Variants in CDH13 observed in about 807,000 individuals in gnomAD.
CDH13 encodes cadherin-13.
CDH13 carries 24 observed loss-of-function variants against 63.8 expected under a neutral mutation model. That is an observed-to-expected ratio of 0.38 (90% CI 0.27 to 0.53). The LOEUF is 0.53. Among genes scored for constraint, CDH13 ranks in the 20% least tolerant of loss-of-function variants. CDH13 has a pLI of 0.85. For missense variants in CDH13, 1,049 were observed against 903.1 expected, an observed-to-expected ratio of 1.16 and a Z score of -2.07; for synonymous variants, 503 against 355.3, an observed-to-expected ratio of 1.42 and a Z score of -4.67.
chr16:82,632,183 T>A (rs569989608), intron 1 of CDH13, among the ~76,000 whole-genome samples: 3 of 152,290 alleles, frequency 2.0e-5, no homozygotes, highest in South Asian at 4.2e-4. Context: ...TCGTCACCAC[T>A]CTCTACTACC....
intron 1 of CDH13, among the ~76,000 whole-genome samples, chr16:82,643,150 C>G (rs1909627002): frequency 6.6e-6 from 1 of 152,176 alleles, no homozygotes; most frequent in Admixed American, 6.5e-5. Flanking sequence ...CATTAGCTCT[C>G]TGTAAATAAA....
chr16:82,878,363 A>G (rs2040577607), intron 2 of CDH13, among the ~76,000 whole-genome samples: 1 of 151,618 alleles, frequency 6.6e-6, no homozygotes, highest in South Asian at 2.1e-4. Flanking sequence ...TGAATCTTTC[A>G]CTCTCTTTGC....
chr16:83,413,101 C>A (rs796942926), intron 6 of CDH13, among the ~76,000 whole-genome samples: 1 of 152,128 alleles, frequency 6.6e-6, no homozygotes, highest in Admixed American at 6.5e-5. Flanking sequence ...AGTGGTAATG[C>A]CATTTCACAG....
chr16:83,056,121 A>G (rs2030902997), intron 3 of CDH13, among the ~76,000 whole-genome samples: 1 of 152,246 alleles, frequency 6.6e-6, no homozygotes, highest in Non-Finnish European at 1.5e-5. Context: ...ATCACTAGTC[A>G]TCAAGGAAAT....
intron 5 of CDH13, among the ~76,000 whole-genome samples, chr16:83,283,862 T>A (rs1057149212): frequency 6.6e-6 from 1 of 152,146 alleles, no homozygotes; most frequent in African/African-American, 2.4e-5. Context: ...ATATCCAGAG[T>A]TGTAAGCTCC....
chr16:83,075,507 T>G (rs1331553322), intron 3 of CDH13, among the ~76,000 whole-genome samples: 1 of 152,188 alleles, frequency 6.6e-6, no homozygotes, highest in Non-Finnish European at 1.5e-5. Flanking sequence ...TTGTTGTGGA[T>G]GCAAAGGGAA....
intron 1 of CDH13, among the ~76,000 whole-genome samples, chr16:82,802,198 G>T (rs1224349210): frequency 6.6e-6 from 1 of 152,168 alleles, no homozygotes; most frequent in Non-Finnish European, 1.5e-5. Flanking sequence ...GCATGCTCCA[G>T]TGGCCGCAGA....
intron 11 of CDH13, among the ~76,000 whole-genome samples, chr16:83,773,145 A>C (rs1430070766): frequency 2.6e-5 from 4 of 152,174 alleles, no homozygotes; most frequent in Admixed American, 1.3e-4. Context: ...TTACATTTCA[A>C]AGAGATGTCA....
chr16:82,862,733 C>A (rs935928006), intron 2 of CDH13, among the ~76,000 whole-genome samples: 1 of 152,180 alleles, frequency 6.6e-6, no homozygotes, highest in Non-Finnish European at 1.5e-5. Flanking sequence ...CTAGGCTAGG[C>A]CATGGTGTCA....
chr16:83,407,351 A>C (rs2092063267), intron 6 of CDH13, among the ~76,000 whole-genome samples: 2 of 152,224 alleles, frequency 1.3e-5, no homozygotes, highest in Admixed American at 1.3e-4. Context: ...TATGTTTATT[A>C]GGCTCCTGCT....
At chr16:82,938,512 T>C (rs1328748670) in intron 2 of CDH13, among the ~76,000 whole-genome samples, 5 of 152,172 alleles carry the variant, frequency 3.3e-5, no homozygotes, top group African/African-American at 1.2e-4. Flanking sequence ...TAGAAACATG[T>C]CTCAGCATGG....
intron 6 of CDH13, among the ~76,000 whole-genome samples, chr16:83,441,017 C>A (rs1471744608): frequency 6.6e-6 from 1 of 152,158 alleles, no homozygotes; most frequent in Non-Finnish European, 1.5e-5. Flanking sequence ...AACCAACTTT[C>A]TAATATATTT....
At chr16:83,229,668 T>C (rs2039948190) in intron 5 of CDH13, among the ~76,000 whole-genome samples, 1 of 152,186 alleles carries the variant, frequency 6.6e-6, no homozygotes, top group Admixed American at 6.5e-5. Context: ...AAGAGATCAT[T>C]TCCGTATTTT....
At chr16:82,671,359 T>C (rs1444560970) in intron 1 of CDH13, among the ~76,000 whole-genome samples, 1 of 152,206 alleles carries the variant, frequency 6.6e-6, no homozygotes, top group Non-Finnish European at 1.5e-5. Flanking sequence ...GAGGTGGCAG[T>C]GCAGTACCTT....
At position 83,625,482 on chromosome 16, in the gene CDH13, C is replaced by T. The variant is rs556819966; in HGVS notation, c.1101+22888C>T. ...CTACTGACCATCGCTAACAGGACTG[C>T]GTGCTGAGAGCCGAGCCTGTTACCT... On this transcript the variant is annotated intron_variant, in intron 8 of 13. Transcript: ENST00000567109. 3.3e-5 allele frequency among the ~76,000 whole-genome samples: 5 copies of T among 152,266 alleles called. No individual in the cohort carries two copies. In the South Asian group the frequency reaches 6.2e-4, roughly 19 times the overall value.
chr16:82,732,208 T>A (rs1428938375), intron 1 of CDH13, among the ~76,000 whole-genome samples: 1 of 152,200 alleles, frequency 6.6e-6, no homozygotes, highest in Admixed American at 6.5e-5. Flanking sequence ...TTTATCATCG[T>A]GTCTTTGGAG....
chr16:82,742,063 T>A (rs1207877060), intron 1 of CDH13, among the ~76,000 whole-genome samples: 1 of 152,170 alleles, frequency 6.6e-6, no homozygotes, highest in South Asian at 2.1e-4. Context: ...TATAAAATCA[T>A]GGTGTAGATA....
intron 4 of CDH13, among the ~76,000 whole-genome samples, chr16:83,134,544 GGAGAGAGAGAGAGAGAGA>G (rs67135267): frequency 0.03 from 2,495 of 84,348 alleles, 44 homozygotes; most frequent in Non-Finnish European, 0.04. Context: ...TGGGGTGGGG[GGAGAGAGAGAGAGAGAGA>G]GAGAGAGAGA....
At chr16:83,362,553 A>G (rs2091182138) in intron 6 of CDH13, among the ~76,000 whole-genome samples, 1 of 152,166 alleles carries the variant, frequency 6.6e-6, no homozygotes, top group South Asian at 2.1e-4. Flanking sequence ...TCTTTATCCC[A>G]TTCCATCCCC....
Sources: allele counts gnomAD v4.1 joint callset (sites outside exome capture counted in the v4.1 genomes callset), GRCh38; gene constraint gnomAD v4.1.1; transcripts MANE v1.5; gene names NCBI Gene and HGNC (gene_info 2026-07-23, HGNC 2026-07-21).